VSIG10L2: variants seen among roughly 807,000 people sequenced by gnomAD.
VSIG10L2 encodes the protein V-set and immunoglobulin domain containing 10 like 2.
In VSIG10L2, 56 loss-of-function variants were observed where a neutral mutation model predicts 67.1. The observed-to-expected ratio is 0.83, with a 90% CI of 0.67 to 1.04. VSIG10L2 has a LOEUF of 1.04. Ranked by LOEUF, VSIG10L2 falls within the 50% of genes least tolerant of loss-of-function variation. The probability of loss-of-function intolerance (pLI) is 0.00; values close to 1 mark genes in which losing one functional copy is unlikely to be tolerated. For missense variants in VSIG10L2, 843 were observed against 932.8 expected (o/e 0.90, Z 1.25); for synonymous variants, 360 against 396.6 (o/e 0.91, Z 1.10).
chr11:125,947,110 G>A (rs556852366), intron 1 of VSIG10L2, among the ~76,000 whole-genome samples: 3 of 152,284 alleles, frequency 2.0e-5, no homozygotes, highest in African/African-American at 4.8e-5. Flanking sequence ...TTAGTTGAAC[G>A]AATGCTGGAT....
chr11:125,950,171 G>A lies in VSIG10L2; in HGVS notation c.867G>A (p.Thr289=), dbSNP rs181946043. 99 of 1,232,310 alleles carry A rather than the reference G, an allele frequency of 8.0e-5. No individual in the cohort carries two copies. The East Asian group carries it at 2.7e-3, about 34-fold the overall frequency. The allele number at this position is 1,232,310 out of a possible 1,614,324, so 76.3% of individuals were successfully genotyped here. ...TCCGTGACCACACGCAAGTCCACAC[G>A]GGGCCTACCTATGTCATCGCCAGAG... The part of the protein sequence containing the change: ...VWLRDHTQVH[T]GPTYVIARAG... Residue 289 remains threonine (T), a synonymous_variant, in exon 4 of 12, where the codon ACG becomes ACA. Coordinates refer to ENST00000686984, the MANE Select transcript of VSIG10L2 (RefSeq NM_001365077.2).
intron 4 of VSIG10L2, among the ~76,000 whole-genome samples, chr11:125,950,580 A>T (rs1945354608): frequency 6.6e-6 from 1 of 152,208 alleles, no homozygotes; most frequent in East Asian, 1.9e-4. Flanking sequence ...ACTGAGGCAC[A>T]GAGAAGGGCG....
At chr11:125,951,241 G>C (rs1326372710) in intron 5 of VSIG10L2, 83 bp downstream of exon 5, 1 of 1,219,780 alleles carries the variant, frequency 8.2e-7, no homozygotes, top group African/African-American at 1.6e-5. Flanking sequence ...GGGGGCCTGG[G>C]ATCTGGGTGG....
At chr11:125,947,590 G>A in intron 1 of VSIG10L2, 96 bp from the exon 2 acceptor site, 1 of 1,231,410 alleles carries the variant, frequency 8.1e-7, no homozygotes, top group South Asian at 4.2e-5. Flanking sequence ...GGCCGCTTGG[G>A]ACTGCAGAAC....
At chr11:125,953,227 A>G (rs1945402324) in intron 6 of VSIG10L2, among the ~76,000 whole-genome samples, 173 bp from the exon 7 acceptor site, 1 of 152,214 alleles carries the variant, frequency 6.6e-6, no homozygotes. Flanking sequence ...ACACTGTGAC[A>G]GGAACTTGGC....
Position 125,952,122 on chromosome 11 carries a change from A to G in VSIG10L2, c.1495+49A>G, listed in dbSNP as rs982167244. ...TTCTGGGGCTGGGACAGGAGGAGGA[A>G]CCCTTTGGAATCAGGATAAAGAGAT... On this transcript the variant is annotated intron_variant, in intron 6 of 11. Coordinates refer to ENST00000686984, the MANE Select transcript of VSIG10L2 (RefSeq NM_001365077.2). 8 of 1,493,484 alleles carry G rather than the reference A, an allele frequency of 5.4e-6. No homozygotes were observed. The African/African-American group carries it at 1.1e-4, about 21-fold the overall frequency. 92.5% of individuals were successfully genotyped at this position (1,493,484 alleles called of 1,614,324 possible). A position where few individuals can be genotyped will look rare whatever the true frequency, so the allele number is the denominator to read the frequency against.
At chr11:125,948,803 C>A (rs985177127) in intron 3 of VSIG10L2, among the ~76,000 whole-genome samples, 39 of 152,232 alleles carry the variant, frequency 2.6e-4, no homozygotes, top group Non-Finnish European at 4.9e-4. Context: ...CACCCTTTTC[C>A]AGGAAAACGT....
At chr11:125,949,083 G>A (rs632791) in intron 3 of VSIG10L2, among the ~76,000 whole-genome samples, 56,810 of 152,170 alleles carry the variant, frequency 0.37, 10,945 homozygotes, top group East Asian at 0.56. Context: ...AATCCAAACT[G>A]AGCTGTGCTG....
chr11:125,948,692 G>A (rs918518129), intron 3 of VSIG10L2, 112 bp downstream of exon 3: 10 of 1,152,158 alleles, frequency 8.7e-6, no homozygotes, highest in Admixed American at 8.5e-5. Flanking sequence ...GGAGTGCCTC[G>A]CCCTCTAAAA....
chr11:125,950,796 C>G (rs1004659868), intron 4 of VSIG10L2, 114 bp from the exon 5 acceptor site: 1 of 1,033,272 alleles, frequency 9.7e-7, no homozygotes, highest in African/African-American at 1.7e-5. Context: ...ACCCACTTCT[C>G]CCTGCTCCCC....
At position 125,955,484 on chromosome 11, in the gene VSIG10L2, C is replaced by A; in HGVS notation, c.2209C>A (p.Leu737Ile). 1.2e-6 allele frequency: 1 copy of A among 810,662 alleles called. No individual in the cohort carries two copies. Among genetic ancestry groups the A allele is most frequent in the Non-Finnish European group, 1.9e-6 (1 of 516,112 alleles). The allele number at this position is 810,662 out of a possible 1,614,324, so 50.2% of individuals were successfully genotyped here. ...AARHPETFPR[L>I]GQLLVPTEQR... ...TCCTTTTCTTTTCCTTCCTACAGGC[C>A]TTGGTCAATTGCTTGTTCCCACGTG... The change falls in exon 10 of 12, where the codon CTT (leucine) becomes ATT (isoleucine). Residue 737 changes from leucine (L) to isoleucine (I), a missense_variant and splice_region_variant. By Grantham distance (5) the Leu-to-Ile change is conservative. This residue lies in a region of VSIG10L2 where 397 missense variants were observed against 384.4 expected (regional missense o/e 1.03). Transcript: ENST00000686984.
rs1945323909 is a variant in VSIG10L2, at chr11:125,948,518, T to C, written c.647T>C (p.Met216Thr). The change falls in exon 3 of 12, where the codon ATG becomes ACG. Residue 216 changes from methionine (M) to threonine (T), a missense_variant. Physicochemically the swap from Met to Thr is moderately conservative, Grantham distance 81. Around this residue, in one of 2 missense-constraint regions of VSIG10L2, gnomAD observed 446 missense variants for 548.4 expected, o/e 0.81. Transcript: ENST00000686984. ...PVNRTHLGWY[M>T]CSASNSVNRL... ...AACCGGACACACCTAGGGTGGTACATGTGCAGCGCCAGCAACTCCGTGAAC... is the reference window on the plus strand; with the variant it reads ...AACCGGACACACCTAGGGTGGTACACGTGCAGCGCCAGCAACTCCGTGAAC... 18 of 1,232,038 alleles carry C rather than the reference T, an allele frequency of 1.5e-5. No homozygotes were observed. The South Asian group carries it at 2.9e-4, about 20-fold the overall frequency. The allele number at this position is 1,232,038 out of a possible 1,614,324, so 76.3% of individuals were successfully genotyped here.
At chr11:125,952,273 AGGTC>A (rs1382570515) in intron 6 of VSIG10L2, among the ~76,000 whole-genome samples, 200 bp downstream of exon 6, 3 of 152,218 alleles carry the variant, frequency 2.0e-5, no homozygotes, top group Non-Finnish European at 4.4e-5. Flanking sequence ...GGGTTAGGCT[AGGTC>A]AGAGTTGTGT....
chr11:125,951,567 G>A (rs11827919), intron 5 of VSIG10L2, among the ~76,000 whole-genome samples: 39,953 of 152,144 alleles, frequency 0.26, 5,445 homozygotes, highest in Non-Finnish European at 0.3. Context: ...TCCTCTTTCC[G>A]GAAGCCCCAG....
At chr11:125,951,458 G>A (rs946326108) in intron 5 of VSIG10L2, among the ~76,000 whole-genome samples, 5 of 152,186 alleles carry the variant, frequency 3.3e-5, no homozygotes, top group African/African-American at 4.8e-5. Context: ...CCGCTCTGAC[G>A]CATGTTGGGC....
chr11:125,956,268 A>G lies in VSIG10L2; in HGVS notation c.*354A>G, dbSNP rs1167439005. 1 of 541,166 alleles carries G rather than the reference A, an allele frequency of 1.8e-6. No individual in the cohort carries two copies. 33.5% of individuals were successfully genotyped at this position (541,166 alleles called of 1,614,324 possible). On this transcript the variant is annotated 3_prime_UTR_variant, in exon 12 of 12. Coordinates refer to ENST00000686984, the MANE Select transcript of VSIG10L2 (RefSeq NM_001365077.2). Reference sequence around the variant, plus strand: ...GCAAGCTAGCTGCTTCCAGAAAAAAAGTCTGTGGATGGAGCAATTCCTAAA... The same window carrying G: ...GCAAGCTAGCTGCTTCCAGAAAAAAGGTCTGTGGATGGAGCAATTCCTAAA...
intron 3 of VSIG10L2, 80 bp downstream of exon 3, chr11:125,948,660 C>A: frequency 1.6e-6 from 2 of 1,215,214 alleles, no homozygotes; most frequent in South Asian, 4.3e-5. Context: ...CACCTCAGAA[C>A]TCCCCAAATC....
In VSIG10L2 at chr11:125,946,487, C is replaced by A. The variant is rs1261404922; in HGVS notation, c.82+350C>A. Among the ~76,000 whole-genome samples the A allele has an allele frequency of 6.6e-6, 1 of 151,872 alleles. No individual in the cohort carries two copies. The highest frequency in any genetic ancestry group is 1.9e-4 in the East Asian group (1 of 5,196). ...AGGTGAGAGATGCTGGCATCTTGGG[C>A]CAAAGCAATGTCCATGGGGTTGGAA... On this transcript the variant is annotated intron_variant, in intron 1 of 11. Coordinates refer to ENST00000686984, the MANE Select transcript of VSIG10L2 (RefSeq NM_001365077.2). This position sits in a 1 kb window ranked among gnomAD's most constrained non-coding sequence, Gnocchi z 4.4.
At chr11:125,953,250 C>T in intron 6 of VSIG10L2, 150 bp from the exon 7 acceptor site, 1 of 584,482 alleles carries the variant, frequency 1.7e-6, no homozygotes, top group Non-Finnish European at 2.5e-6. Flanking sequence ...AGAATGGGAA[C>T]CTGAAGAGAA....
Sources: allele counts gnomAD v4.1 joint callset (sites outside exome capture counted in the v4.1 genomes callset), GRCh38; gene constraint gnomAD v4.1.1; regional missense constraint gnomAD v4.1.1; non-coding constraint Gnocchi (gnomAD v3.1); transcripts MANE v1.5; gene names NCBI Gene and HGNC (gene_info 2026-07-23, HGNC 2026-07-21).